FOXO1: variants seen among roughly 807,000 people sequenced by gnomAD.
The protein encoded by FOXO1 is forkhead box protein O1.
A neutral mutation model predicts 44.1 loss-of-function variants in FOXO1; 6 were observed. The observed-to-expected ratio is 0.14, with a 90% confidence interval of 0.07 to 0.27. The LOEUF (loss-of-function observed/expected upper bound fraction) is 0.27, where lower values mean the gene tolerates loss of function less well. Among genes scored for constraint, FOXO1 ranks in the 10% least tolerant of loss-of-function variants. The pLI, the probability that FOXO1 is intolerant of heterozygous loss-of-function variation, is 1.00. For missense variants in FOXO1, 737 were observed against 888.8 expected (o/e 0.83, Z 2.17); for synonymous variants, 380 against 362.7 (o/e 1.05, Z -0.54).
intron 1 of FOXO1, chr13:40,619,896 G>T: frequency 1.4e-6 from 1 of 710,230 alleles, no homozygotes; most frequent in Non-Finnish European, 2.6e-6. Context: ...GGGAAAATGG[G>T]GCTAGATATA....
At chr13:40,621,045 G>A (rs1876597058) in intron 1 of FOXO1, 2 of 180,404 alleles carry the variant, frequency 1.1e-5, no homozygotes, top group South Asian at 1.2e-4. Flanking sequence ...TGATCCGCCT[G>A]CCTCGGCCTC....
chr13:40,604,589 C>T (rs907497912), intron 1 of FOXO1, among the ~76,000 whole-genome samples: 3 of 152,168 alleles, frequency 2.0e-5, no homozygotes, highest in Non-Finnish European at 4.4e-5. Flanking sequence ...ATAATCTATA[C>T]TACAGAGAAC....
intron 1 of FOXO1, among the ~76,000 whole-genome samples, chr13:40,664,796 G>A (rs1417140311): frequency 4.1e-5 from 6 of 147,764 alleles, no homozygotes; most frequent in Middle Eastern, 3.6e-3. Flanking sequence ...CCTGCGCCCG[G>A]GGCCCCTCCC....
chr13:40,561,118 C>A (rs2137824120), intron 1 of FOXO1, among the ~76,000 whole-genome samples: 1 of 152,118 alleles, frequency 6.6e-6, no homozygotes, highest in Non-Finnish European at 1.5e-5. Context: ...TTTGCGAGGC[C>A]CAGGCAAGCG....
chr13:40,622,336 T>C (rs1283934429), intron 1 of FOXO1, among the ~76,000 whole-genome samples: 1 of 152,242 alleles, frequency 6.6e-6, no homozygotes, highest in Non-Finnish European at 1.5e-5. Context: ...ATGCAGTTTA[T>C]ATAAATACAA....
At position 40,559,368 on chromosome 13, in the gene FOXO1, C is replaced by T. The variant is rs115476993; in HGVS notation, c.*14+141G>A. The stretch of plus-strand genomic sequence containing the variant: ...GGAAAACTGTAAGCTGCAAAAAGGA[C>T]AGAGAATGAATGATAAAAGATCCCT... On this transcript the variant is annotated intron_variant, in intron 2 of 2. Transcript: ENST00000379561. The T allele has an allele frequency of 6.9e-4, 501 of 722,964 alleles. 6 individuals carry two copies. The African/African-American group carries it at 7.8e-3, about 11-fold the overall frequency. The allele number at this position is 722,964 out of a possible 1,614,324, so 44.8% of individuals were successfully genotyped here.
chr13:40,592,390 A>G (rs1875409556), intron 1 of FOXO1, among the ~76,000 whole-genome samples: 1 of 152,226 alleles, frequency 6.6e-6, no homozygotes, highest in Non-Finnish European at 1.5e-5. Flanking sequence ...ATATCTTTGA[A>G]GGAGTTACCT....
intron 1 of FOXO1, chr13:40,620,634 C>A: frequency 2.5e-6 from 1 of 403,362 alleles, no homozygotes; most frequent in Non-Finnish European, 4.7e-6. Context: ...CTGACAGCAG[C>A]CAGCACAGGG....
chr13:40,569,898 A>T (rs1483998593), intron 1 of FOXO1, among the ~76,000 whole-genome samples: 3 of 152,074 alleles, frequency 2.0e-5, no homozygotes, highest in Non-Finnish European at 4.4e-5. Flanking sequence ...GGCCTGCACC[A>T]CTGCACCTGG....
intron 1 of FOXO1, among the ~76,000 whole-genome samples, chr13:40,562,041 C>A (rs1874046610): frequency 6.6e-6 from 1 of 151,900 alleles, no homozygotes; most frequent in South Asian, 2.1e-4. Context: ...ACCTTTAAAG[C>A]CCATTAAGCA....
intron 1 of FOXO1, among the ~76,000 whole-genome samples, chr13:40,608,611 G>A (rs1472700796): frequency 6.6e-6 from 1 of 152,128 alleles, no homozygotes; most frequent in Non-Finnish European, 1.5e-5. Context: ...GTATTAGCTT[G>A]TTGTTAAAGT....
At chr13:40,589,277 C>A (rs1271732293) in intron 1 of FOXO1, among the ~76,000 whole-genome samples, 1 of 151,998 alleles carries the variant, frequency 6.6e-6, no homozygotes, top group Admixed American at 6.6e-5. Context: ...CAATTCTTGC[C>A]AATTCTAAAC....
intron 1 of FOXO1, among the ~76,000 whole-genome samples, chr13:40,632,340 A>G (rs1334273980): frequency 1.3e-5 from 2 of 152,248 alleles, no homozygotes; most frequent in Non-Finnish European, 1.5e-5. Context: ...AGGGATTAGT[A>G]CCTAGAATAT....
intron 1 of FOXO1, among the ~76,000 whole-genome samples, chr13:40,589,679 T>C (rs973445509): frequency 6.6e-6 from 1 of 152,260 alleles, no homozygotes; most frequent in African/African-American, 2.4e-5. Flanking sequence ...TCCTTTGAGC[T>C]TATTGTTTCA....
At chr13:40,574,872 T>A (rs1295993361) in intron 1 of FOXO1, among the ~76,000 whole-genome samples, 1 of 152,208 alleles carries the variant, frequency 6.6e-6, no homozygotes, top group Admixed American at 6.5e-5. Context: ...CTATCACACA[T>A]AATAAATAGC....
At position 40,593,377 on chromosome 13, in the gene FOXO1, G is replaced by A. The variant is rs181072786; in HGVS notation, c.631-32517C>T. The stretch of plus-strand genomic sequence containing the variant: ...TATTTAAAATCTAAGACTCAAAGGG[G>A]AGAAGTATTGAACCTCACATCATCC... On this transcript the variant is annotated intron_variant, in intron 1 of 2. Coordinates refer to ENST00000379561, the MANE Select transcript of FOXO1 (RefSeq NM_002015.4). 5.3e-5 allele frequency among the ~76,000 whole-genome samples: 8 copies of A among 152,282 alleles called. No individual in the cohort carries two copies. The East Asian group carries it at 1.5e-3, about 29-fold the overall frequency.
chr13:40,619,441 C>T, intron 1 of FOXO1: 2 of 1,171,086 alleles, frequency 1.7e-6, no homozygotes, highest in Non-Finnish European at 2.5e-6. Context: ...AAATGGGAAT[C>T]AAAATTGGAG....
chr13:40,580,649 A>G (rs1874921153), intron 1 of FOXO1, among the ~76,000 whole-genome samples: 1 of 152,202 alleles, frequency 6.6e-6, no homozygotes. Flanking sequence ...CCTGGCTCCA[A>G]GCAAGGCACA....
intron 1 of FOXO1, among the ~76,000 whole-genome samples, chr13:40,604,374 G>T (rs1003273604): frequency 7.1e-6 from 1 of 141,450 alleles, no homozygotes; most frequent in Admixed American, 7.2e-5. Flanking sequence ...TAATTAGTCT[G>T]GTGTCAGATC....
Sources: allele counts gnomAD v4.1 joint callset (sites outside exome capture counted in the v4.1 genomes callset), GRCh38; gene constraint gnomAD v4.1.1; transcripts MANE v1.5; gene names NCBI Gene and HGNC (gene_info 2026-07-23, HGNC 2026-07-21).